BMPR1A: variants seen among roughly 807,000 people sequenced by gnomAD.
BMPR1A encodes bone morphogenetic protein receptor type-1A.
BMPR1A carries 7 observed loss-of-function variants against 66.0 expected under a neutral mutation model. The ratio of observed to expected loss-of-function variants is 0.11; its 90% CI spans 0.06 to 0.20. The LOEUF is 0.20. Ranked by LOEUF, BMPR1A falls within the 10% of genes least tolerant of loss-of-function variation. The probability of loss-of-function intolerance (pLI) is 1.00; values close to 1 mark genes in which losing one functional copy is unlikely to be tolerated. For synonymous variants in BMPR1A, 200 were observed against 229.7 expected, an observed-to-expected ratio of 0.87 and a Z score of 1.17; for missense variants, 408 against 669.1, an observed-to-expected ratio of 0.61 and a Z score of 4.31.
Position 86,899,877 on chromosome 10 carries a change from C to T in BMPR1A, c.417C>T (p.Pro139=). ...LCNQYLQPTL[P]PVVIGPFFDG... ...ACCAGTATTTGCAACCCACACTGCC[C>T]CCTGTTGTCATAGGTAGGTTAGCCG... The change falls in exon 6 of 13, where the codon CCC becomes CCT. Residue 139 remains proline (P), a synonymous_variant. Transcript: ENST00000372037. 6.2e-7 allele frequency: 1 copy of T among 1,614,050 alleles called. No homozygotes were observed. The highest frequency in any genetic ancestry group is 8.5e-7 in the Non-Finnish European group (1 of 1,179,936).
chr10:86,920,171 T>C (rs1843641479), intron 10 of BMPR1A, among the ~76,000 whole-genome samples: 1 of 152,232 alleles, frequency 6.6e-6, no homozygotes, highest in South Asian at 2.1e-4. Context: ...AACCATATAT[T>C]ATATATTTGA....
At chr10:86,850,950 T>C (rs909291984) in intron 2 of BMPR1A, among the ~76,000 whole-genome samples, 6 of 152,246 alleles carry the variant, frequency 3.9e-5, no homozygotes, top group Admixed American at 2.0e-4. Flanking sequence ...AGATTTCTTA[T>C]GTCATAATAT....
At chr10:86,788,617 A>G (rs759475950) in intron 1 of BMPR1A, among the ~76,000 whole-genome samples, 6 of 151,730 alleles carry the variant, frequency 4.0e-5, no homozygotes, top group Non-Finnish European at 7.4e-5. Context: ...TTCCCTTTTT[A>G]TTTTTTGATG....
chr10:86,823,195 C>T (rs919692173), intron 1 of BMPR1A, among the ~76,000 whole-genome samples: 1 of 152,190 alleles, frequency 6.6e-6, no homozygotes, highest in African/African-American at 2.4e-5. Context: ...TTTCTGTATC[C>T]AGCAAGCTTT....
chr10:86,764,018 C>G (rs1382845663), intron 1 of BMPR1A, among the ~76,000 whole-genome samples: 1 of 152,130 alleles, frequency 6.6e-6, no homozygotes, highest in Non-Finnish European at 1.5e-5. Flanking sequence ...GTCTCAATCT[C>G]CTGACCTCGT....
intron 9 of BMPR1A, among the ~76,000 whole-genome samples, chr10:86,918,627 C>CTTTTT (rs71802648): frequency 2.1e-5 from 3 of 141,448 alleles, no homozygotes; most frequent in Non-Finnish European, 1.5e-5. Context: ...CTTTTCTTTT[C>CTTTTT]TTTTTTTTTT....
chr10:86,847,200 G>A (rs1388938598), intron 2 of BMPR1A, among the ~76,000 whole-genome samples: 1 of 152,084 alleles, frequency 6.6e-6, no homozygotes, highest in Non-Finnish European at 1.5e-5. Flanking sequence ...GGAACTTGCA[G>A]CTCCATATGG....
chr10:86,800,914 G>T (rs1213973996), intron 1 of BMPR1A, among the ~76,000 whole-genome samples: 5 of 152,116 alleles, frequency 3.3e-5, no homozygotes, highest in African/African-American at 4.8e-5. Flanking sequence ...TAGTAGTGCC[G>T]CTGTGAGGAA....
chr10:86,814,376 GTTA>G (rs909099863), intron 1 of BMPR1A, among the ~76,000 whole-genome samples: 37 of 152,172 alleles, frequency 2.4e-4, no homozygotes, highest in African/African-American at 8.2e-4. Flanking sequence ...AGGGATTCCT[GTTA>G]TATAAGAAAT....
At chr10:86,857,586 C>CA (rs897942046) in intron 2 of BMPR1A, among the ~76,000 whole-genome samples, 1 of 152,050 alleles carries the variant, frequency 6.6e-6, no homozygotes, top group Non-Finnish European at 1.5e-5. Context: ...AGGAAGTCAG[C>CA]AGGGGCTACA....
At chr10:86,781,132 G>A (rs1841431072) in intron 1 of BMPR1A, among the ~76,000 whole-genome samples, 1 of 152,192 alleles carries the variant, frequency 6.6e-6, no homozygotes, top group Non-Finnish European at 1.5e-5. Context: ...GGGATTACAG[G>A]CGTGAGACAC....
At chr10:86,794,177 G>A (rs1003286243) in intron 1 of BMPR1A, among the ~76,000 whole-genome samples, 3 of 152,176 alleles carry the variant, frequency 2.0e-5, no homozygotes, top group Non-Finnish European at 2.9e-5. Flanking sequence ...GTCTGCAGGG[G>A]CCATTATCCT....
At chr10:86,793,003 G>C (rs892472934) in intron 1 of BMPR1A, among the ~76,000 whole-genome samples, 3 of 151,958 alleles carry the variant, frequency 2.0e-5, no homozygotes, top group African/African-American at 7.3e-5. Flanking sequence ...CTGTTTAATA[G>C]CCCACTGCTT....
intron 2 of BMPR1A, among the ~76,000 whole-genome samples, chr10:86,874,749 G>A (rs1371930198): frequency 9.0e-6 from 1 of 111,494 alleles, no homozygotes; most frequent in Non-Finnish European, 1.7e-5. Context: ...ATGGAGTCTC[G>A]CTCTGTCGTG....
chr10:86,892,506 G>A (rs978647166), intron 5 of BMPR1A, among the ~76,000 whole-genome samples: 4 of 152,166 alleles, frequency 2.6e-5, no homozygotes, highest in Non-Finnish European at 4.4e-5. Context: ...GCAGTGCTGC[G>A]ATCTCCGCTC....
At chr10:86,863,097 G>A (rs1842734344) in intron 2 of BMPR1A, among the ~76,000 whole-genome samples, 2 of 151,338 alleles carry the variant, frequency 1.3e-5, no homozygotes, top group Admixed American at 6.6e-5. Context: ...CTCCTACCTC[G>A]GCCTCAAGTA....
chr10:86,897,485 G>A (rs1302003239), intron 5 of BMPR1A, among the ~76,000 whole-genome samples: 4 of 152,280 alleles, frequency 2.6e-5, no homozygotes, highest in African/African-American at 9.6e-5. Flanking sequence ...GCTTAGTCTA[G>A]AATCTCATCT....
rs187421059 is a variant in BMPR1A at position 86,809,822 on chromosome 10, T to C, written c.-267-29043T>C. 2.3e-3 allele frequency among the ~76,000 whole-genome samples: 352 copies of C among 152,134 alleles called. 2 individuals carry two copies. In the Middle Eastern group the frequency reaches 0.024, roughly 10 times the overall value. ...CTGCCCCTGGTAACCACTATAGTACTTTCTGTCTAATATGAATTTGCCTGT... is the reference window on the plus strand; with the variant it reads ...CTGCCCCTGGTAACCACTATAGTACCTTCTGTCTAATATGAATTTGCCTGT... On this transcript the variant is annotated intron_variant, in intron 1 of 12. Transcript: ENST00000372037.
intron 2 of BMPR1A, among the ~76,000 whole-genome samples, chr10:86,862,502 C>T (rs1429818157): frequency 6.6e-6 from 1 of 152,182 alleles, no homozygotes; most frequent in African/African-American, 2.4e-5. Flanking sequence ...GTTTAACATG[C>T]TTTCTCTTAG....
Sources: gnomAD v4.1 joint callset for allele counts (sites outside exome capture counted in the v4.1 genomes callset) on GRCh38, gnomAD v4.1.1 for gene constraint, MANE v1.5 for transcripts, NCBI Gene and HGNC (gene_info 2026-07-23, HGNC 2026-07-21) for gene names.